Variants in METTL24 observed in about 807,000 individuals in gnomAD.
The protein encoded by METTL24 is methyltransferase like 24.
A neutral mutation model predicts 32.7 loss-of-function variants in METTL24; 29 were observed. The ratio of observed to expected loss-of-function variants is 0.89; its 90% CI spans 0.66 to 1.21. The LOEUF (loss-of-function observed/expected upper bound fraction) is 1.21, where lower values mean the gene tolerates loss of function less well. METTL24 is among the 50% of genes most tolerant of loss of function. METTL24 has a pLI of 0.00. For synonymous variants in METTL24, 163 were observed against 179.5 expected (o/e 0.91, Z 0.73); for missense variants, 439 against 468.1 (o/e 0.94, Z 0.57).
rs11408319 is a variant in METTL24 at position 110,309,862 on chromosome 6, C to CAAA, written c.557+5477_557+5479dup. The stretch of plus-strand genomic sequence containing the variant: ...AAGGGGTAAAATGTATTCTTAGGAG[C>CAAA]AAAAAAAACAAAACAAAACAAAACA... On this transcript the variant is annotated intron_variant, in intron 3 of 4. Coordinates refer to ENST00000338882, the MANE Select transcript of METTL24 (RefSeq NM_001123364.3). Among the ~76,000 whole-genome samples, 1,213 of 147,930 alleles carry CAAA rather than the reference C, an allele frequency of 8.2e-3. 22 individuals carry two copies. Among genetic ancestry groups the CAAA allele is most frequent in the South Asian group, 0.059 (274 of 4,628 alleles).
intron 4 of METTL24, among the ~76,000 whole-genome samples, chr6:110,250,870 T>G (rs1251258872): frequency 3.9e-5 from 6 of 152,220 alleles, no homozygotes; most frequent in Non-Finnish European, 8.8e-5. Flanking sequence ...AGGGGCACTT[T>G]GTCTTTGGCC....
chr6:110,312,088 T>C (rs2114744244), intron 3 of METTL24, among the ~76,000 whole-genome samples: 1 of 152,292 alleles, frequency 6.6e-6, no homozygotes, highest in African/African-American at 2.4e-5. Context: ...TTTGAATAAA[T>C]ATATGAAAAA....
intron 1 of METTL24, among the ~76,000 whole-genome samples, chr6:110,329,112 T>C (rs913812194): frequency 2.6e-5 from 4 of 152,232 alleles, no homozygotes; most frequent in African/African-American, 7.2e-5. Flanking sequence ...TTTATCACAA[T>C]AGATAACTGA....
chr6:110,262,466 C>A (rs1180228076), intron 4 of METTL24, among the ~76,000 whole-genome samples: 1 of 152,090 alleles, frequency 6.6e-6, no homozygotes, highest in Non-Finnish European at 1.5e-5. Context: ...GAAATTGAGA[C>A]AATAATTAAT....
chr6:110,274,473 A>T (rs906211910), intron 4 of METTL24, among the ~76,000 whole-genome samples: 3 of 152,172 alleles, frequency 2.0e-5, no homozygotes, highest in African/African-American at 4.8e-5. Flanking sequence ...ATGCAAAGGC[A>T]TAAGAATAAT....
At chr6:110,336,464 G>A (rs955666010) in intron 1 of METTL24, among the ~76,000 whole-genome samples, 4 of 152,228 alleles carry the variant, frequency 2.6e-5, no homozygotes, top group African/African-American at 7.2e-5. Flanking sequence ...TTATCAGCTG[G>A]GCGCGGTGGC....
intron 4 of METTL24, among the ~76,000 whole-genome samples, chr6:110,283,446 C>T (rs903535858): frequency 7.9e-5 from 12 of 152,170 alleles, no homozygotes; most frequent in African/African-American, 2.9e-4. Context: ...CAAATCCTCT[C>T]ACCGCTCCCC....
rs866514613 is a variant in METTL24, at chr6:110,299,028, C to T, written c.680G>A (p.Arg227His). 1.8e-5 allele frequency: 29 copies of T among 1,614,056 alleles called. No homozygotes were observed. Among genetic ancestry groups the T allele is most frequent in the Admixed American group, 6.7e-5 (4 of 59,996 alleles). Residue 227 changes from arginine (R) to histidine (H), a missense_variant, in exon 4 of 5, where the codon CGC becomes CAC. Arg to His is a conservative substitution (Grantham distance 29, BLOSUM62 0). Coordinates refer to ENST00000338882, the MANE Select transcript of METTL24 (RefSeq NM_001123364.3). ...GGGATCCCGCCAGTCAATGGACAAG[C>T]GGTGATACCAAAGGTGCTGACTCTC... ...ILESQHLWYHRLSIDWRDPHP... is the reference protein window; with the variant it reads ...ILESQHLWYHHLSIDWRDPHP...
At chr6:110,325,755 AC>A (rs1772006580) in intron 1 of METTL24, among the ~76,000 whole-genome samples, 1 of 152,204 alleles carries the variant, frequency 6.6e-6, no homozygotes, top group Non-Finnish European at 1.5e-5. Flanking sequence ...AAAAAGAGAA[AC>A]AGGGACTCTC....
At position 110,322,786 on chromosome 6, in the gene METTL24, G is replaced by GATATA; in HGVS notation, c.400_404dup (p.Ser136IlefsTer12). ...CCTGAAACACAACCTGGGTGGTGCT[G>GATATA]ATATATCTCAGGAACCTCCAGGCTT... On this transcript the variant is annotated frameshift_variant, in exon 2 of 5. Coordinates refer to ENST00000338882, the MANE Select transcript of METTL24 (RefSeq NM_001123364.3). LOFTEE classifies it high-confidence loss of function. The GATATA allele has an allele frequency of 1.2e-6, 2 of 1,613,434 alleles. No individual in the cohort carries two copies. Among genetic ancestry groups the GATATA allele is most frequent in the Non-Finnish European group, 1.7e-6 (2 of 1,179,554 alleles).
At chr6:110,279,447 C>T (rs193241687) in intron 4 of METTL24, among the ~76,000 whole-genome samples, 29 of 152,178 alleles carry the variant, frequency 1.9e-4, no homozygotes, top group African/African-American at 5.3e-4. Flanking sequence ...TAAAATGGTA[C>T]GAACTCTCTT....
intron 4 of METTL24, among the ~76,000 whole-genome samples, chr6:110,249,938 C>G (rs1223470863): frequency 6.6e-6 from 1 of 152,016 alleles, no homozygotes; most frequent in South Asian, 2.1e-4. Context: ...TTTCCTTGTA[C>G]CTGAAATATC....
At chr6:110,261,940 C>T (rs1001166165) in intron 4 of METTL24, among the ~76,000 whole-genome samples, 3 of 152,036 alleles carry the variant, frequency 2.0e-5, no homozygotes, top group Middle Eastern at 3.4e-3. Context: ...CACAACGTAC[C>T]GGAATCTCTG....
At chr6:110,323,047 G>T (rs779333288) in intron 1 of METTL24, among the ~76,000 whole-genome samples, 175 bp from the exon 2 acceptor site, 2 of 152,180 alleles carry the variant, frequency 1.3e-5, no homozygotes, top group Non-Finnish European at 2.9e-5. Flanking sequence ...CACATCAGTC[G>T]CAGGGAGACA....
At chr6:110,262,098 G>T (rs1267262206) in intron 4 of METTL24, among the ~76,000 whole-genome samples, 1 of 151,986 alleles carries the variant, frequency 6.6e-6, no homozygotes, top group Non-Finnish European at 1.5e-5. Context: ...CTAGCAGAAG[G>T]CAAGAAATAA....
chr6:110,306,270 T>G (rs2114739213), intron 3 of METTL24, among the ~76,000 whole-genome samples: 1 of 152,154 alleles, frequency 6.6e-6, no homozygotes, highest in South Asian at 2.1e-4. Context: ...CAGACCTGCA[T>G]GTTCTGCACA....
intron 4 of METTL24, among the ~76,000 whole-genome samples, chr6:110,281,610 C>A (rs1418987241): frequency 6.6e-6 from 1 of 151,198 alleles, no homozygotes; most frequent in Non-Finnish European, 1.5e-5. Flanking sequence ...GATCACACCA[C>A]TGCACTCCAG....
chr6:110,253,936 G>C, intron 4 of METTL24: 1 of 1,456,882 alleles, frequency 6.9e-7, no homozygotes, highest in Non-Finnish European at 9.1e-7. Flanking sequence ...GTCCCCAGGA[G>C]GGGTGAGGAG....
intron 1 of METTL24, among the ~76,000 whole-genome samples, chr6:110,336,514 G>A (rs1156677786): frequency 1.3e-5 from 2 of 152,146 alleles, no homozygotes; most frequent in Non-Finnish European, 1.5e-5. Context: ...GCTGAGGTGG[G>A]CGGATCACGA....
Sources: allele counts gnomAD v4.1 joint callset (sites outside exome capture counted in the v4.1 genomes callset), GRCh38; gene constraint gnomAD v4.1.1; transcripts MANE v1.5; gene names NCBI Gene and HGNC (gene_info 2026-07-23, HGNC 2026-07-21).